NKAIN3: variants seen among roughly 807,000 people sequenced by gnomAD.
The protein encoded by NKAIN3 is sodium/potassium transporting ATPase interacting 3.
NKAIN3 carries 25 observed loss-of-function variants against 30.2 expected under a neutral mutation model. The ratio of observed to expected loss-of-function variants is 0.83; its 90% CI spans 0.60 to 1.16. The LOEUF (loss-of-function observed/expected upper bound fraction) is 1.16. Ranked by LOEUF, NKAIN3 falls within the 50% of genes most tolerant of loss-of-function variation. NKAIN3 has a pLI of 0.00. For missense variants in NKAIN3, 225 were observed against 254.1 expected (o/e 0.89, Z 0.78); for synonymous variants, 91 against 89.6 (o/e 1.02, Z -0.09).
intron 1 of NKAIN3, among the ~76,000 whole-genome samples, chr8:62,276,850 CTT>C (rs757907428): frequency 6.6e-6 from 1 of 152,046 alleles, no homozygotes; most frequent in African/African-American, 2.4e-5. Context: ...TATTTGGACT[CTT>C]TTTAGAATAC....
chr8:62,594,705 G>A (rs1398433232), intron 3 of NKAIN3, among the ~76,000 whole-genome samples: 2 of 152,018 alleles, frequency 1.3e-5, no homozygotes, highest in African/African-American at 4.8e-5. Context: ...TGAAGTGGTA[G>A]TTGTTATCAA....
At chr8:62,874,250 G>T (rs1034413407) in intron 4 of NKAIN3, among the ~76,000 whole-genome samples, 3 of 151,998 alleles carry the variant, frequency 2.0e-5, no homozygotes, top group Non-Finnish European at 4.4e-5. Flanking sequence ...ATAAATTCCT[G>T]GATGCATACA....
chr8:62,439,549 A>C (rs1805265365), intron 1 of NKAIN3, among the ~76,000 whole-genome samples: 1 of 152,198 alleles, frequency 6.6e-6, no homozygotes. Flanking sequence ...TGAGTAAAAA[A>C]ATGTATCCAG....
intron 4 of NKAIN3, among the ~76,000 whole-genome samples, chr8:62,879,326 G>C (rs1242378399): frequency 6.6e-6 from 1 of 152,128 alleles, no homozygotes; most frequent in Non-Finnish European, 1.5e-5. Context: ...AGAAGTGTCT[G>C]TTCATATCCT....
chr8:62,849,300 T>G (rs1819792267), intron 4 of NKAIN3, among the ~76,000 whole-genome samples: 1 of 149,902 alleles, frequency 6.7e-6, no homozygotes, highest in African/African-American at 2.4e-5. Context: ...CTGGGCTTTT[T>G]TTTTTTTTTT....
intron 1 of NKAIN3, among the ~76,000 whole-genome samples, chr8:62,343,654 T>A (rs900556017): frequency 1.3e-5 from 2 of 151,768 alleles, no homozygotes; most frequent in African/African-American, 4.8e-5. Context: ...TTCAAAAAAA[T>A]TTTTTAATTA....
chr8:62,795,413 A>G (rs10094711), intron 4 of NKAIN3, among the ~76,000 whole-genome samples: 12,260 of 152,172 alleles, frequency 0.081, 510 homozygotes, highest in Non-Finnish European at 0.085. Flanking sequence ...TTGGGTGCCT[A>G]TGGACCCCAG....
intron 1 of NKAIN3, among the ~76,000 whole-genome samples, chr8:62,316,210 G>A (rs148767603): frequency 1.4e-3 from 210 of 152,118 alleles, no homozygotes; most frequent in African/African-American, 4.7e-3. Flanking sequence ...ACCAAGTCTC[G>A]GGTATGTCTT....
At chr8:62,854,023 T>C (rs1819989470) in intron 4 of NKAIN3, among the ~76,000 whole-genome samples, 2 of 152,236 alleles carry the variant, frequency 1.3e-5, no homozygotes, top group African/African-American at 4.8e-5. Flanking sequence ...GTGAATTTCT[T>C]AATTTTGAGT....
intron 4 of NKAIN3, chr8:62,855,329 A>T: frequency 1.7e-6 from 1 of 592,422 alleles, no homozygotes; most frequent in Non-Finnish European, 3.1e-6. Flanking sequence ...CTCAGAGAGA[A>T]CTTCCAGCAG....
intron 3 of NKAIN3, among the ~76,000 whole-genome samples, chr8:62,741,360 AAAGAAGGAAGG>A (rs1369294839): frequency 1.2e-3 from 142 of 120,120 alleles, no homozygotes; most frequent in Non-Finnish European, 2.2e-3. Flanking sequence ...AAAGAGAGAG[AAAGAAGGAAGG>A]AAGGAAGGAA....
At chr8:62,863,400 T>G (rs1820316367) in intron 4 of NKAIN3, 1 of 1,547,292 alleles carries the variant, frequency 6.5e-7, no homozygotes, top group African/African-American at 1.4e-5. Context: ...TCAAGATGTT[T>G]TGCGGCTTTA....
chr8:62,545,042 G>T (rs1808963741), intron 1 of NKAIN3, among the ~76,000 whole-genome samples: 1 of 152,152 alleles, frequency 6.6e-6, no homozygotes, highest in Admixed American at 6.5e-5. Flanking sequence ...GGAAGAAGAG[G>T]AGGAGTTGGT....
chr8:62,261,390 G>GT (rs1812436243), intron 1 of NKAIN3, among the ~76,000 whole-genome samples: 1 of 152,156 alleles, frequency 6.6e-6, no homozygotes, highest in African/African-American at 2.4e-5. Flanking sequence ...ATTCAGAACT[G>GT]ATAATGGGTT....
chr8:62,931,192 T>C (rs948412473), intron 5 of NKAIN3, among the ~76,000 whole-genome samples: 2 of 152,194 alleles, frequency 1.3e-5, no homozygotes, highest in Admixed American at 6.5e-5. Context: ...ATCCAGCAAA[T>C]CTAATAAATC....
chr8:62,374,113 C>CAAAAAAAAAAAA (rs66521184), intron 1 of NKAIN3, among the ~76,000 whole-genome samples: 1 of 64,342 alleles, frequency 1.6e-5, no homozygotes, highest in African/African-American at 7.0e-5. Flanking sequence ...ACTCCATCTC[C>CAAAAAAAAAAAA]AAAAAAAAAA....
At chr8:62,334,283 G>A (rs572885314) in intron 1 of NKAIN3, among the ~76,000 whole-genome samples, 2 of 152,014 alleles carry the variant, frequency 1.3e-5, no homozygotes, top group Admixed American at 1.3e-4. Flanking sequence ...TCAAGATGTC[G>A]GCAGAGCCAT....
intron 3 of NKAIN3, among the ~76,000 whole-genome samples, chr8:62,646,783 G>A (rs1051506429): frequency 2.6e-5 from 4 of 151,942 alleles, no homozygotes; most frequent in African/African-American, 9.7e-5. Context: ...TAAAGTAACA[G>A]TATCAAATAA....
At chr8:62,355,898 A>G (rs1412232943) in intron 1 of NKAIN3, among the ~76,000 whole-genome samples, 2 of 152,170 alleles carry the variant, frequency 1.3e-5, no homozygotes, top group Non-Finnish European at 2.9e-5. Flanking sequence ...AATATATTAG[A>G]AAGCTTTGTT....
Sources: allele counts gnomAD v4.1 joint callset (sites outside exome capture counted in the v4.1 genomes callset), GRCh38; gene constraint gnomAD v4.1.1; transcripts MANE v1.5; gene names NCBI Gene and HGNC (gene_info 2026-07-23, HGNC 2026-07-21).